Variants in NRK observed in about 807,000 individuals in gnomAD.
NRK encodes the protein nik-related protein kinase.
In NRK, 67 loss-of-function variants were observed where a neutral mutation model predicts 125.2. The ratio of observed to expected loss-of-function variants is 0.54; its 90% CI spans 0.44 to 0.66. NRK has a LOEUF of 0.66. NRK is among the 30% of genes least tolerant of loss of function. The pLI is 0.00. For missense variants in NRK, 1,224 were observed against 1,192.9 expected, an observed-to-expected ratio of 1.03 and a Z score of -0.38; for synonymous variants, 458 against 429.0, an observed-to-expected ratio of 1.07 and a Z score of -0.84.
At chrX:105,855,800 G>A (rs1156581943) in intron 2 of NRK, among the ~76,000 whole-genome samples, 1 of 111,586 alleles carries the variant, frequency 9.0e-6, no homozygotes, top group Non-Finnish European at 1.9e-5. Flanking sequence ...CCACTCTAAA[G>A]TACCTTACAT....
chrX:105,913,463 C>T (rs148101804), intron 14 of NRK, among the ~76,000 whole-genome samples: 154 of 111,593 alleles, frequency 1.4e-3, no homozygotes, highest in Admixed American at 4.1e-3. Context: ...TATACAATAT[C>T]AAAAAACAGC....
intron 2 of NRK, among the ~76,000 whole-genome samples, chrX:105,875,644 T>C (rs1454146593): frequency 1.8e-5 from 2 of 110,220 alleles, no homozygotes; most frequent in Non-Finnish European, 3.8e-5. Flanking sequence ...AACTGAATTA[T>C]TATTTATTAT....
At chrX:105,929,130 T>A (rs1423508682) in intron 19 of NRK, among the ~76,000 whole-genome samples, 2 of 111,893 alleles carry the variant, frequency 1.8e-5, no homozygotes, top group African/African-American at 6.5e-5. Context: ...TCCCTTTAGA[T>A]GCAATAATAT....
At chrX:105,927,995 TACTG>T (rs1164844554) in intron 19 of NRK, among the ~76,000 whole-genome samples, 3 of 111,643 alleles carry the variant, frequency 2.7e-5, no homozygotes, top group Non-Finnish European at 5.7e-5. Flanking sequence ...ATCAGAGTCA[TACTG>T]ACCTCACAGA....
intron 1 of NRK, among the ~76,000 whole-genome samples, chrX:105,827,012 C>T (rs1408441829): frequency 6.3e-5 from 7 of 111,498 alleles, no homozygotes; most frequent in Admixed American, 1.9e-4. Flanking sequence ...ATTCTGATAT[C>T]GTAATTCCAA....
intron 15 of NRK, among the ~76,000 whole-genome samples, chrX:105,916,295 A>AT (rs1174432907): frequency 9.0e-6 from 1 of 111,064 alleles, no homozygotes; most frequent in African/African-American, 3.3e-5. Flanking sequence ...CAGTCACTGT[A>AT]TTTTTTAATC....
In NRK at chrX:105,909,899, T is replaced by C; in HGVS notation, c.2241+17T>C. ...GTTGATAAAGTAAGAATTTTTGATATTTTTACTCTGAGTCAAAAATGAAGA... is the reference window on the plus strand; with the variant it reads ...GTTGATAAAGTAAGAATTTTTGATACTTTTACTCTGAGTCAAAAATGAAGA... On this transcript the variant is annotated intron_variant, in intron 13 of 28. Coordinates refer to ENST00000243300, the MANE Select transcript of NRK (RefSeq NM_198465.4). 2 of 1,098,310 alleles carry C rather than the reference T, an allele frequency of 1.8e-6. No homozygotes were observed. Among genetic ancestry groups the C allele is most frequent in the Non-Finnish European group, 2.4e-6 (2 of 834,199 alleles). 90.5% of individuals were successfully genotyped at this position (1,098,310 alleles called of 1,213,427 possible). A position where few individuals can be genotyped will look rare whatever the true frequency, so the allele number is the denominator to read the frequency against.
chrX:105,934,816 G>GT (rs1256207217), intron 20 of NRK, among the ~76,000 whole-genome samples: 1 of 111,830 alleles, frequency 8.9e-6, no homozygotes, highest in Non-Finnish European at 1.9e-5. Context: ...AAATTTATTT[G>GT]TTTTTTTATT....
chrX:105,953,112 A>G lies in NRK; in HGVS notation c.4592A>G (p.Glu1531Gly). The change falls in exon 28 of 29, where the codon GAA becomes GGA. Residue 1531 changes from glutamate (E) to glycine (G), a missense_variant. By Grantham distance (98) the Glu-to-Gly change is moderately conservative. Coordinates refer to ENST00000243300, the MANE Select transcript of NRK (RefSeq NM_198465.4). Reference protein sequence around the residue: ...EVRSLQSRVLESELKRRSIKK... With the variant: ...EVRSLQSRVLGSELKRRSIKK... ...CGCTCTTTGCAATCCAGGGTTCTGG[A>G]AAGTGAGCTGAAGCGCAGGTCAATT... The G allele has an allele frequency of 2.5e-6, 3 of 1,198,993 alleles. No individual in the cohort carries two copies. Among genetic ancestry groups the G allele is most frequent in the Non-Finnish European group, 3.4e-6 (3 of 887,521 alleles).
intron 2 of NRK, among the ~76,000 whole-genome samples, chrX:105,866,823 G>A (rs2039678000): frequency 1.8e-5 from 2 of 111,519 alleles, no homozygotes; most frequent in Non-Finnish European, 3.8e-5. Context: ...ATTTGTGGGG[G>A]CTTTTTAAAA....
chrX:105,881,647 A>G (rs1602635425), intron 3 of NRK, 61 bp from the exon 4 acceptor site: 1 of 636,432 alleles, frequency 1.6e-6, no homozygotes, highest in South Asian at 2.6e-5. Context: ...TAAAGTACTT[A>G]AGCATAAATC....
At chrX:105,898,829 A>G in intron 8 of NRK, 115 bp downstream of exon 8, 1 of 537,186 alleles carries the variant, frequency 1.9e-6, no homozygotes, top group Non-Finnish European at 2.8e-6. Flanking sequence ...ATTTTACATT[A>G]AATGCTAGTA....
intron 23 of NRK, among the ~76,000 whole-genome samples, chrX:105,943,560 A>C (rs951396230): frequency 8.9e-6 from 1 of 112,152 alleles, no homozygotes; most frequent in Non-Finnish European, 1.9e-5. Context: ...TCTTCAATAA[A>C]AGGCCATTGG....
rs761115082 is a variant in NRK, at chrX:105,860,593, C to T, written c.124-19606C>T. Among the ~76,000 whole-genome samples, 3 of 110,388 alleles carry T rather than the reference C, an allele frequency of 2.7e-5. No individual in the cohort carries two copies. The Admixed American group carries it at 2.9e-4, about 11-fold the overall frequency. ...CCCCCTGCCCCCAGCCACTGGCAAC[C>T]ATTAATTTATTCTATGGCATATTCT... On this transcript the variant is annotated intron_variant, in intron 2 of 28. Transcript: ENST00000243300.
intron 2 of NRK, among the ~76,000 whole-genome samples, chrX:105,834,886 A>C (rs1395538121): frequency 9.0e-6 from 1 of 111,192 alleles, no homozygotes; most frequent in Non-Finnish European, 1.9e-5. Context: ...TTAATAGTTA[A>C]CATGTGTACT....
chrX:105,930,478 A>T (rs1396013043), intron 19 of NRK, among the ~76,000 whole-genome samples: 2 of 110,853 alleles, frequency 1.8e-5, no homozygotes, highest in African/African-American at 6.6e-5. Context: ...ATGATTTTTT[A>T]AAATTTCATT....
At chrX:105,942,281 G>GT (rs1372300542) in intron 23 of NRK, among the ~76,000 whole-genome samples, 2 of 111,643 alleles carry the variant, frequency 1.8e-5, no homozygotes, top group Non-Finnish European at 3.8e-5. Context: ...GATATGTATG[G>GT]TTTTTTTCTC....
chrX:105,822,485 C>T, upstream of NRK: 1 of 274,379 alleles, frequency 3.6e-6, no homozygotes, highest in Non-Finnish European at 6.5e-6. Flanking sequence ...CCCGGGTCCC[C>T]TCTCCTTGCA....
At chrX:105,823,689 A>G (rs2039055287) in intron 1 of NRK, among the ~76,000 whole-genome samples, 1 of 111,092 alleles carries the variant, frequency 9.0e-6, no homozygotes, top group Non-Finnish European at 1.9e-5. Context: ...TAATTAGTAG[A>G]CTTATTATTT....
Sources: gnomAD v4.1 joint callset for allele counts (sites outside exome capture counted in the v4.1 genomes callset) on GRCh38, gnomAD v4.1.1 for gene constraint, MANE v1.5 for transcripts, NCBI Gene and HGNC (gene_info 2026-07-23, HGNC 2026-07-21) for gene names.